The following MPP7 variants were observed in gnomAD, a reference collection of about 807,000 sequenced individuals.
MPP7 encodes the protein MAGUK p55 subfamily member 7.
In MPP7, 60 loss-of-function variants were observed where a neutral mutation model predicts 76.5. The ratio of observed to expected loss-of-function variants is 0.78; its 90% CI spans 0.64 to 0.97. The LOEUF (loss-of-function observed/expected upper bound fraction) is 0.97, where lower values mean the gene tolerates loss of function less well. MPP7 is among the 50% of genes least tolerant of loss of function. The pLI is 0.00. For synonymous variants in MPP7, 237 were observed against 244.5 expected (o/e 0.97, Z 0.29); for missense variants, 641 against 694.0 (o/e 0.92, Z 0.86).
Position 28,198,732 on chromosome 10 carries a change from T to C in MPP7, c.156+3421A>G, listed in dbSNP as rs570927594. On this transcript the variant is annotated intron_variant, in intron 3 of 16. Coordinates refer to ENST00000683449, the MANE Select transcript of MPP7 (RefSeq NM_001318170.2). ...TGTAAAATAAGTAAAGAGATCTCAA[T>C]AGGAAAAAAGAATCCACAAGAATAG... Among the ~76,000 whole-genome samples, 19 of 151,946 alleles carry C rather than the reference T, an allele frequency of 1.3e-4. No homozygotes were observed. In the South Asian group the frequency reaches 2.5e-3, roughly 20 times the overall value.
intron 2 of MPP7, among the ~76,000 whole-genome samples, chr10:28,237,479 T>C (rs1839116204): frequency 1.3e-5 from 2 of 152,152 alleles, no homozygotes; most frequent in African/African-American, 4.8e-5. Flanking sequence ...AAAAAATCAT[T>C]CTTGATGGAT....
intron 12 of MPP7, among the ~76,000 whole-genome samples, chr10:28,081,706 G>T (rs570751217): frequency 3.3e-5 from 5 of 151,426 alleles, no homozygotes; most frequent in East Asian, 3.9e-4. Context: ...TTTATGAAAC[G>T]GTTTCAAAGC....
chr10:28,243,156 T>C (rs1452150801), intron 1 of MPP7, among the ~76,000 whole-genome samples: 1 of 152,120 alleles, frequency 6.6e-6, no homozygotes, highest in Non-Finnish European at 1.5e-5. Context: ...AACATTTTCT[T>C]GAAGATAAAT....
chr10:28,211,350 G>A (rs1237101803), intron 2 of MPP7, among the ~76,000 whole-genome samples: 5 of 151,908 alleles, frequency 3.3e-5, no homozygotes, highest in Admixed American at 3.3e-4. Flanking sequence ...TAGTAGCCCT[G>A]GGCAACACAC....
chr10:28,102,200 T>A (rs968220602), intron 11 of MPP7, among the ~76,000 whole-genome samples: 1 of 152,122 alleles, frequency 6.6e-6, no homozygotes, highest in Non-Finnish European at 1.5e-5. Flanking sequence ...CAGGCTGGAG[T>A]GGCATCATTG....
chr10:28,200,209 C>A (rs1254378966), intron 3 of MPP7, among the ~76,000 whole-genome samples: 1 of 152,136 alleles, frequency 6.6e-6, no homozygotes, highest in African/African-American at 2.4e-5. Context: ...GAAAGTATTG[C>A]AGACTTTACA....
chr10:28,175,614 G>A (rs910739439), intron 3 of MPP7, among the ~76,000 whole-genome samples: 14 of 47,180 alleles, frequency 3.0e-4, no homozygotes, highest in Admixed American at 2.7e-3. Context: ...ATAAAGGAAA[G>A]AAAGTTATAT....
chr10:28,144,081 G>A (rs1835624483), intron 5 of MPP7, among the ~76,000 whole-genome samples: 1 of 152,096 alleles, frequency 6.6e-6, no homozygotes, highest in Admixed American at 6.6e-5. Context: ...TAGAGATGGG[G>A]TTTCACCATG....
chr10:28,178,437 C>G (rs969353696), intron 3 of MPP7, among the ~76,000 whole-genome samples: 11 of 151,070 alleles, frequency 7.3e-5, no homozygotes, highest in Non-Finnish European at 1.5e-4. Flanking sequence ...GGATAAACAC[C>G]AAGCAGGCAA....
rs191445808 is a variant in MPP7 at position 28,062,624 on chromosome 10, C to T, written c.1205-2881G>A. Among the ~76,000 whole-genome samples the T allele has an allele frequency of 2.0e-4, 30 of 149,152 alleles. No homozygotes were observed. In the East Asian group the frequency reaches 5.9e-3, roughly 29 times the overall value. On this transcript the variant is annotated intron_variant, in intron 13 of 16. Coordinates refer to ENST00000683449, the MANE Select transcript of MPP7 (RefSeq NM_001318170.2). ...ATTAGAAAAGCAGTAGAATTCACAGCATTAAGAGAATAATGGCAGACAAAA... is the reference window on the plus strand; with the variant it reads ...ATTAGAAAAGCAGTAGAATTCACAGTATTAAGAGAATAATGGCAGACAAAA...
rs1851452653 is a variant in MPP7 at position 28,054,043 on chromosome 10, C to G, written c.*22G>C. ...TCATCATGCACTCTATAGAAAAAGA[C>G]AATTATGGAAATTTCTCTTAGTTAT... On this transcript the variant is annotated 3_prime_UTR_variant, in exon 17 of 17. Transcript: ENST00000683449. 4 of 1,590,090 alleles carry G rather than the reference C, an allele frequency of 2.5e-6. No individual in the cohort carries two copies. Among genetic ancestry groups the G allele is most frequent in the Middle Eastern group, 1.7e-4 (1 of 5,718 alleles).
intron 8 of MPP7, among the ~76,000 whole-genome samples, chr10:28,123,490 A>G (rs1044703022): frequency 5.5e-5 from 7 of 128,008 alleles, no homozygotes; most frequent in Admixed American, 8.6e-5. Flanking sequence ...TTTTTTTGAG[A>G]CAAAGTCTTG....
At chr10:28,285,567 A>G (rs1840771624) in intron 1 of MPP7, among the ~76,000 whole-genome samples, 7 of 152,206 alleles carry the variant, frequency 4.6e-5, no homozygotes, top group Admixed American at 3.9e-4. Flanking sequence ...AATAACTAAA[A>G]CAGGAAAACA....
chr10:28,211,917 T>C (rs1588930860), intron 2 of MPP7, among the ~76,000 whole-genome samples: 2 of 151,578 alleles, frequency 1.3e-5, no homozygotes, highest in Non-Finnish European at 2.9e-5. Flanking sequence ...CACTGCAGAG[T>C]TTTGTGTAAA....
chr10:28,311,759 TACACAC>T (rs112717112), intron 2 of MPP7, among the ~76,000 whole-genome samples: 42 of 148,712 alleles, frequency 2.8e-4, no homozygotes, highest in South Asian at 4.3e-4. Flanking sequence ...GATGTGTTAA[TACACAC>T]ACACACACAC....
intron 13 of MPP7, among the ~76,000 whole-genome samples, chr10:28,069,139 TGAA>T (rs1359689790): frequency 1.3e-5 from 2 of 152,160 alleles, no homozygotes; most frequent in African/African-American, 2.4e-5. Flanking sequence ...TTACAAAGAA[TGAA>T]GAAGATCTAT....
rs186500923 is a variant in MPP7 at position 28,057,740 on chromosome 10, T to G, written c.1407+755A>C. On this transcript the variant is annotated intron_variant, in intron 15 of 16. Coordinates refer to ENST00000683449, the MANE Select transcript of MPP7 (RefSeq NM_001318170.2). ...TTCCTGATTCTTGAAACACTTTTAC[T>G]CCAGATTCATCTTCCTTTAGAGGTC... The G allele has an allele frequency of 5.5e-5, 71 of 1,283,798 alleles. No homozygotes were observed. The East Asian group carries it at 2.0e-3, about 36-fold the overall frequency. The allele number at this position is 1,283,798 out of a possible 1,614,324, so 79.5% of individuals were successfully genotyped here. A position where few individuals can be genotyped will look rare whatever the true frequency, so the allele number is the denominator to read the frequency against.
rs1214216419 is a variant in MPP7, at chr10:28,211,460, TATAG to T, written c.38-9193_38-9190del. 8.2e-3 allele frequency among the ~76,000 whole-genome samples: 1,123 copies of T among 137,618 alleles called. 11 individuals are homozygous for T. Among genetic ancestry groups the T allele is most frequent in the East Asian group, 0.031 (115 of 3,692 alleles). 90.3% of individuals were successfully genotyped at this position (137,618 alleles called of 152,430 possible). On this transcript the variant is annotated intron_variant, in intron 2 of 16. Coordinates refer to ENST00000683449, the MANE Select transcript of MPP7 (RefSeq NM_001318170.2). ...ATTTTTTGCCATATATATATATATA[TATAG>T]AGAGAGAGAGAGAATTACTGTAAAA...
At chr10:28,201,782 C>A (rs1282741255) in intron 3 of MPP7, among the ~76,000 whole-genome samples, 1 of 152,180 alleles carries the variant, frequency 6.6e-6, no homozygotes, top group African/African-American at 2.4e-5. Context: ...TGAACTGCTG[C>A]CATCCTTGAC....
Sources: gnomAD v4.1 joint callset for allele counts (sites outside exome capture counted in the v4.1 genomes callset) on GRCh38, gnomAD v4.1.1 for gene constraint, MANE v1.5 for transcripts, NCBI Gene and HGNC (gene_info 2026-07-23, HGNC 2026-07-21) for gene names.